CHLSN: variants seen among roughly 807,000 people sequenced by gnomAD.
CHLSN encodes the protein protein cholesin.
At chr7:1,036,537 T>C in the CHLSN span, among the ~76,000 whole-genome samples, 1 of 151,940 alleles carries the variant, frequency 6.6e-6, no homozygotes, top group African/African-American at 2.4e-5. Context: ...GGGTCATCAC[T>C]GTTGTAAATG....
the CHLSN span, among the ~76,000 whole-genome samples, chr7:1,000,275 G>C: frequency 6.7e-6 from 1 of 149,104 alleles, no homozygotes; most frequent in African/African-American, 2.5e-5. Context: ...TCAGCCCCCA[G>C]GAGACGTGCC....
the CHLSN span, among the ~76,000 whole-genome samples, chr7:1,015,270 AGAGCAGGT>A: frequency 1.3e-5 from 2 of 151,956 alleles, no homozygotes; most frequent in African/African-American, 4.8e-5. Context: ...CTGAGGCATG[AGAGCAGGT>A]GTGGGCTCCC....
the CHLSN span, among the ~76,000 whole-genome samples, chr7:1,053,638 G>A: frequency 9.9e-5 from 15 of 152,184 alleles, no homozygotes; most frequent in Non-Finnish European, 1.5e-4. Flanking sequence ...GATCAGCCTG[G>A]CCAACATGGA....
At chr7:1,072,721 G>T in the CHLSN span, among the ~76,000 whole-genome samples, 1 of 128,028 alleles carries the variant, frequency 7.8e-6, no homozygotes, top group Non-Finnish European at 1.5e-5. Flanking sequence ...TCGCTCCATC[G>T]TGCCCAGGCT....
the CHLSN span, among the ~76,000 whole-genome samples, chr7:1,051,636 G>A: frequency 2.6e-5 from 4 of 152,196 alleles, no homozygotes; most frequent in Admixed American, 6.5e-5. Context: ...TGGGAAGGAC[G>A]GGCAGTAGGT....
At chr7:1,135,930 A>AATATATAAGTATATAAAAAT in the CHLSN span, among the ~76,000 whole-genome samples, 1 of 121,992 alleles carries the variant, frequency 8.2e-6, no homozygotes, top group Admixed American at 9.0e-5. Context: ...AGTATATATA[A>AATATATAAGTATATAAAAAT]ATATATAAGT....
At chr7:1,103,130 G>A in the CHLSN span, among the ~76,000 whole-genome samples, 3 of 152,212 alleles carry the variant, frequency 2.0e-5, no homozygotes, top group African/African-American at 7.2e-5. Context: ...CGGGAGGCGC[G>A]GGTGCAGCCA....
the CHLSN span, among the ~76,000 whole-genome samples, chr7:1,054,571 C>T: frequency 3.9e-5 from 6 of 152,332 alleles, no homozygotes; most frequent in South Asian, 2.1e-4. Flanking sequence ...TCCCAAGAAT[C>T]GAGCCATTCT....
At chr7:1,106,867 A>G in the CHLSN span, among the ~76,000 whole-genome samples, 3 of 152,324 alleles carry the variant, frequency 2.0e-5, no homozygotes, top group South Asian at 6.2e-4. Flanking sequence ...CCAGGTGAAC[A>G]CACAAAGAGG....
the CHLSN span, among the ~76,000 whole-genome samples, chr7:990,361 G>A: frequency 6.9e-6 from 1 of 145,106 alleles, no homozygotes; most frequent in Non-Finnish European, 1.5e-5. Flanking sequence ...GTGGTCGGCA[G>A]TGTGACAGTG....
the CHLSN span, among the ~76,000 whole-genome samples, chr7:1,013,654 G>A: frequency 6.6e-6 from 1 of 152,218 alleles, no homozygotes; most frequent in East Asian, 1.9e-4. Flanking sequence ...CTAACATGAA[G>A]GCTTTCCAAC....
chr7:1,050,969 G>C, the CHLSN span, among the ~76,000 whole-genome samples: 8 of 152,264 alleles, frequency 5.3e-5, no homozygotes, highest in African/African-American at 1.9e-4. Flanking sequence ...CCGTCAGAGA[G>C]GGGGATGGAC....
the CHLSN span, among the ~76,000 whole-genome samples, chr7:1,033,264 A>C: frequency 6.6e-6 from 1 of 152,238 alleles, no homozygotes; most frequent in South Asian, 2.1e-4. Context: ...CTCACTATTT[A>C]AAAATCCATT....
chr7:1,028,550 G>A, the CHLSN span: 2 of 984,820 alleles, frequency 2.0e-6, no homozygotes, highest in African/African-American at 1.7e-5. Flanking sequence ...GAGGCTCTCT[G>A]GCCGCCCGGG....
the CHLSN span, among the ~76,000 whole-genome samples, chr7:1,081,747 GCC>G: frequency 1.0e-5 from 1 of 97,942 alleles, no homozygotes; most frequent in Non-Finnish European, 2.1e-5. Flanking sequence ...GCTTTCTTCT[GCC>G]CACTGCAGCC....
the CHLSN span, among the ~76,000 whole-genome samples, chr7:1,125,360 G>A: frequency 2.6e-5 from 4 of 152,238 alleles, no homozygotes; most frequent in South Asian, 8.3e-4. Context: ...GAAAAACAGG[G>A]CCACCTGCCA....
chr7:1,104,626 G>A, the CHLSN span, among the ~76,000 whole-genome samples: 73 of 152,296 alleles, frequency 4.8e-4, no homozygotes, highest in African/African-American at 1.4e-3. Flanking sequence ...TACCAGGAGC[G>A]CAGCAAGTTT....
the CHLSN span, among the ~76,000 whole-genome samples, chr7:1,009,454 G>C: frequency 9.9e-5 from 15 of 151,968 alleles, no homozygotes; most frequent in Admixed American, 4.6e-4. Context: ...CGTCCACCCA[G>C]CCACGCCGCA....
chr7:981,958 C>A, the CHLSN span, among the ~76,000 whole-genome samples: 5 of 151,914 alleles, frequency 3.3e-5, no homozygotes, highest in Admixed American at 2.6e-4. Context: ...GCTTGAGCCC[C>A]GGAGGTGGAG....
Sources: gnomAD v4.1 joint callset for allele counts (sites outside exome capture counted in the v4.1 genomes callset) on GRCh38, gnomAD v4.1.1 for gene constraint, MANE v1.5 for transcripts, NCBI Gene and HGNC (gene_info 2026-07-23, HGNC 2026-07-21) for gene names.